The following KLF4 variants were observed in gnomAD, a reference collection of about 807,000 sequenced individuals.
The protein encoded by KLF4 is Krueppel-like factor 4.
KLF4 carries 14 observed loss-of-function variants against 38.0 expected under a neutral mutation model. That is an observed-to-expected ratio of 0.37 (90% confidence interval 0.24 to 0.58). KLF4 has a LOEUF of 0.58. Ranked by LOEUF, KLF4 falls within the 20% of genes least tolerant of loss-of-function variation. The pLI is 0.76. For missense variants in KLF4, 737 were observed against 670.1 expected, an observed-to-expected ratio of 1.10 and a Z score of -1.10; for synonymous variants, 398 against 302.5, an observed-to-expected ratio of 1.32 and a Z score of -3.28.
At position 107,489,256 on chromosome 9, in the gene KLF4, G is replaced by GCCAAAAC. The variant is rs45603733; in HGVS notation, c.-91_-85dup. 1.9e-3 allele frequency: 2,726 copies of GCCAAAAC among 1,417,486 alleles called. 57 individuals are homozygous for GCCAAAAC. In the African/African-American group the frequency reaches 0.036, roughly 19 times the overall value. 87.8% of individuals were successfully genotyped at this position (1,417,486 alleles called of 1,614,324 possible). A position where few individuals can be genotyped will look rare whatever the true frequency, so the allele number is the denominator to read the frequency against. The stretch of plus-strand genomic sequence containing the variant: ...AAAGTCAACGAAGAGAAGAAACGAA[G>GCCAAAAC]CCAAAACCCAAAACCCCAAATTGGC... On this transcript the variant is annotated 5_prime_UTR_variant, in exon 1 of 5. Transcript: ENST00000374672.
At position 107,487,330 on chromosome 9, in the gene KLF4, T is replaced by G. The variant is rs543058287; in HGVS notation, c.1064A>C (p.Gln355Pro). Residue 355 changes from glutamine to proline, a missense_variant, in exon 3 of 5, where the codon CAG (glutamine) becomes CCG (proline). Coordinates refer to ENST00000374672, the MANE Select transcript of KLF4 (RefSeq NM_004235.6). This position sits in a 1 kb window ranked among gnomAD's most constrained non-coding sequence, Gnocchi z 6.1. ...GPNYPSFLPDQMQPQVPPLHY... is the reference protein window; with the variant it reads ...GPNYPSFLPDPMQPQVPPLHY... ...GAGCGGCGGGACTTGCGGCTGCATC[T>G]GATCGGGCAGGAAGGATGGGTAATT... 2.2e-5 allele frequency: 34 copies of G among 1,564,992 alleles called. No individual in the cohort carries two copies. In the South Asian group the frequency reaches 3.9e-4, roughly 18 times the overall value.
chr9:107,487,467 C>A lies in KLF4; in HGVS notation c.927G>T (p.Arg309=). ...TCGGGGTAGTCCTGCTGGGGAGCTG[C>A]CGCCCCAGGGGGAAGTCGTGTGCAG... is the stretch of plus-strand genomic sequence containing the variant. ...RPAAHDFPLG[R]QLPSRTTPTL... is the part of the protein sequence containing the mutation. The change falls in exon 3 of 5, where the codon CGG becomes CGT. Residue 309 remains arginine, a synonymous_variant. Coordinates refer to ENST00000374672, the MANE Select transcript of KLF4 (RefSeq NM_004235.6). This position sits in a 1 kb window ranked among gnomAD's most constrained non-coding sequence, Gnocchi z 6.1. The A allele has an allele frequency of 1.3e-6, 2 of 1,536,106 alleles. No homozygotes were observed. The highest frequency in any genetic ancestry group is 2.6e-5 in the South Asian group (2 of 77,996).
At chr9:107,486,944 G>A in intron 4 of KLF4, 84 bp downstream of exon 4, 1 of 1,605,086 alleles carries the variant, frequency 6.2e-7, no homozygotes, top group South Asian at 1.1e-5. Flanking sequence ...AACCTGGGAA[G>A]TCAAGGAGGC....
chr9:107,485,871 T>C lies in KLF4; in HGVS notation c.1320A>G (p.Ser440=), dbSNP rs1303557236. 1.9e-6 allele frequency: 3 copies of C among 1,612,620 alleles called. No individual in the cohort carries two copies. The highest frequency in any genetic ancestry group is 1.3e-5 in the African/African-American group (1 of 74,966). ...TACGGTAGTGCCTGGTCAGTTCATC[T>C]GAGCGGGCGAATTTCCATCCACAGC... ...WDGCGWKFAR[S]DELTRHYRKH... Residue 440 remains serine, a synonymous_variant, in exon 5 of 5, where the codon TCA becomes TCG. Transcript: ENST00000374672. This position sits in a 1 kb window ranked among gnomAD's most constrained non-coding sequence, Gnocchi z 4.9.
Position 107,488,070 on chromosome 9 carries a change from A to G in KLF4, c.324T>C (p.Ile108=), listed in dbSNP as rs999634202. ...EFNDLLDLDF[I]LSNSLTHPPE... ...GAGGATGGGTCAGCGAATTGGAGAG[A>G]ATAAAGTCCAGGTCCAGGAGATCGT... The change falls in exon 3 of 5, where the codon ATT becomes ATC. Residue 108 remains isoleucine (I), a synonymous_variant. Coordinates refer to ENST00000374672, the MANE Select transcript of KLF4 (RefSeq NM_004235.6). This position sits in a 1 kb window ranked among gnomAD's most constrained non-coding sequence, Gnocchi z 5.7. 1.9e-6 allele frequency: 3 copies of G among 1,613,004 alleles called. No individual in the cohort carries two copies. Among genetic ancestry groups the G allele is most frequent in the African/African-American group, 2.7e-5 (2 of 74,914 alleles).
chr9:107,485,491 G>GT lies in KLF4; in HGVS notation c.*259dup, dbSNP rs1269253160. 8.3e-5 allele frequency: 32 copies of GT among 386,516 alleles called. No homozygotes were observed. Among genetic ancestry groups the GT allele is most frequent in the Admixed American group, 9.4e-5 (2 of 21,334 alleles). The allele number at this position is 386,516 out of a possible 1,614,324, so 23.9% of individuals were successfully genotyped here. ...CTTCCAGTCACCCCCTTGGCATTTT[G>GT]TAAGTCCAGGAATATTCAAGTCGGA... On this transcript the variant is annotated 3_prime_UTR_variant, in exon 5 of 5. Transcript: ENST00000374672. This position sits in a 1 kb window ranked among gnomAD's most constrained non-coding sequence, Gnocchi z 4.9.
At chr9:107,486,924 G>A (rs1829073625) in intron 4 of KLF4, 104 bp downstream of exon 4, 4 of 1,592,368 alleles carry the variant, frequency 2.5e-6, no homozygotes, top group Non-Finnish European at 3.4e-6. Flanking sequence ...AGCCTATGGG[G>A]CTGGAAGCTA....
chr9:107,486,713 G>A (rs1004731741), intron 4 of KLF4, among the ~76,000 whole-genome samples: 1 of 152,098 alleles, frequency 6.6e-6, no homozygotes, highest in Non-Finnish European at 1.5e-5. Flanking sequence ...CAAGCTAGGA[G>A]AGGCCCACAG....
rs1383529821 is a variant in KLF4, at chr9:107,487,540, C to A, written c.854G>T (p.Cys285Phe). 4 of 1,564,118 alleles carry A rather than the reference C, an allele frequency of 2.6e-6. No homozygotes were observed. In the South Asian group the frequency reaches 4.8e-5, roughly 19 times the overall value. Residue 285 changes from cysteine to phenylalanine, a missense_variant, in exon 3 of 5, where the codon TGC becomes TTC. Coordinates refer to ENST00000374672, the MANE Select transcript of KLF4 (RefSeq NM_004235.6). The surrounding 1 kb of genome is among the most constrained non-coding windows in gnomAD (Gnocchi z 6.1). ...PKIKQEAVSS[C>F]THLGAGPPLS... Reference sequence around the variant, plus strand: ...AGGGGGTCCAGCGCCCAAGTGGGTGCACGAAGAGACCGCCTCCTGCTTGAT... The same window carrying A: ...AGGGGGTCCAGCGCCCAAGTGGGTGAACGAAGAGACCGCCTCCTGCTTGAT...
At position 107,485,999 on chromosome 9, in the gene KLF4, G is replaced by A. The variant is rs1044580159; in HGVS notation, c.1265-73C>T. The A allele has an allele frequency of 1.4e-6, 2 of 1,421,396 alleles. No individual in the cohort carries two copies. The highest frequency in any genetic ancestry group is 1.9e-6 in the Non-Finnish European group (2 of 1,041,338). 88.0% of individuals were successfully genotyped at this position (1,421,396 alleles called of 1,614,324 possible). Reference sequence around the variant, plus strand: ...GAATCGCCCCTTTTAAAAACTGAAGGCCAGATAGTAAACCAACTCTGACCC... The same window carrying A: ...GAATCGCCCCTTTTAAAAACTGAAGACCAGATAGTAAACCAACTCTGACCC... On this transcript the variant is annotated intron_variant, in intron 4 of 4. Transcript: ENST00000374672. This position sits in a 1 kb window ranked among gnomAD's most constrained non-coding sequence, Gnocchi z 4.9.
rs373847811 is a variant in KLF4 at position 107,487,285 on chromosome 9, C to T, written c.1099+10G>A. 10 of 1,590,852 alleles carry T rather than the reference C, an allele frequency of 6.3e-6. No individual in the cohort carries two copies. The African/African-American group carries it at 1.2e-4, about 19-fold the overall frequency. On this transcript the variant is annotated intron_variant, in intron 3 of 4. Coordinates refer to ENST00000374672, the MANE Select transcript of KLF4 (RefSeq NM_004235.6). This position sits in a 1 kb window ranked among gnomAD's most constrained non-coding sequence, Gnocchi z 6.1. ...CTCCCCAGCCCGAGCTACAAATCCC[C>T]GGGACTGACCTTGGTAATGGAGCGG...
rs1259977843 is a variant in KLF4 at position 107,487,580 on chromosome 9, G to T, written c.814C>A (p.Arg272Ser). The T allele has an allele frequency of 1.3e-6, 2 of 1,577,524 alleles. No homozygotes were observed. The highest frequency in any genetic ancestry group is 1.7e-6 in the Non-Finnish European group (2 of 1,166,744). ...VVAPYNGGPP[R>S]TCPKIKQEAV... ...TCCTGCTTGATCTTGGGGCACGTGC[G>T]CGGCGGCCCGCCGTTGTAGGGCGCC... The change falls in exon 3 of 5, where the codon CGC becomes AGC. Residue 272 changes from arginine to serine, a missense_variant. Arg to Ser is a moderately radical substitution (Grantham distance 110). Around this residue, in one of 2 missense-constraint regions of KLF4, gnomAD observed 695 missense variants for 554.5 expected, o/e 1.25. Coordinates refer to ENST00000374672, the MANE Select transcript of KLF4 (RefSeq NM_004235.6). This position sits in a 1 kb window ranked among gnomAD's most constrained non-coding sequence, Gnocchi z 6.1.
In KLF4 at chr9:107,489,014, G is replaced by A; in HGVS notation, c.42C>T (p.Asp14=). 6.4e-7 allele frequency: 1 copy of A among 1,562,902 alleles called. No homozygotes were observed. Among genetic ancestry groups the A allele is most frequent in the African/African-American group, 1.4e-5 (1 of 73,868 alleles). Residue 14 remains aspartate, a synonymous_variant, in exon 2 of 5, where the codon GAC becomes GAT. Transcript: ENST00000374672. ...ACGTGGAGAAAGATGGGAGCAGCGC[G>A]TCGCTGACAGCCATGTCAGACTCGC... ...PPGESDMAVS[D]ALLPSFSTFA...
In KLF4 at chr9:107,488,166, G is replaced by T; in HGVS notation, c.228C>A (p.Ser76Arg). ...CGCCGCAAGCCGCACCGGCTCCGCC[G>T]CTCTCCAGGTCTGTGGCCACGGTCG... ...AAATVATDLESGGAGAACGGS... is the reference protein window; with the variant it reads ...AAATVATDLERGGAGAACGGS... Residue 76 changes from serine to arginine, a missense_variant, in exon 3 of 5, where the codon AGC (serine) becomes AGA (arginine). By Grantham distance (110) the Ser-to-Arg change is moderately radical (BLOSUM62 -1). This residue lies in a region of KLF4 where 695 missense variants were observed against 554.5 expected (regional missense o/e 1.25). Coordinates refer to ENST00000374672, the MANE Select transcript of KLF4 (RefSeq NM_004235.6). The surrounding 1 kb of genome is among the most constrained non-coding windows in gnomAD (Gnocchi z 5.7). 1 of 1,612,674 alleles carries T rather than the reference G, an allele frequency of 6.2e-7. No individual in the cohort carries two copies. Among genetic ancestry groups the T allele is most frequent in the Admixed American group, 1.7e-5 (1 of 60,014 alleles).
rs1398822261 is a variant in KLF4 at position 107,488,026 on chromosome 9, G to T, written c.368C>A (p.Thr123Asn). 1.2e-6 allele frequency: 2 copies of T among 1,609,354 alleles called. No homozygotes were observed. The highest frequency in any genetic ancestry group is 1.3e-5 in the African/African-American group (1 of 74,972). ...GGAGGCTGACGCTGACGAGGACACG[G>T]TGGCGGCCACTGACTCCGGAGGATG... The part of the protein sequence containing the change: ...LTHPPESVAA[T>N]VSSSASASSS... Residue 123 changes from threonine (T) to asparagine (N), a missense_variant, in exon 3 of 5, where the codon ACC (threonine) becomes AAC (asparagine). Physicochemically the swap from Thr to Asn is moderately conservative, Grantham distance 65 (BLOSUM62 0). Around this residue, in one of 2 missense-constraint regions of KLF4, gnomAD observed 695 missense variants for 554.5 expected, o/e 1.25. Transcript: ENST00000374672. This position sits in a 1 kb window ranked among gnomAD's most constrained non-coding sequence, Gnocchi z 5.7.
Position 107,485,639 on chromosome 9 carries a change from A to G in KLF4, c.*112T>C, listed in dbSNP as rs1829046070. 4 of 1,075,986 alleles carry G rather than the reference A, an allele frequency of 3.7e-6. No individual in the cohort carries two copies. Among genetic ancestry groups the G allele is most frequent in the Non-Finnish European group, 3.9e-6 (3 of 771,414 alleles). The allele number at this position is 1,075,986 out of a possible 1,614,324, so 66.7% of individuals were successfully genotyped here. A position where few individuals can be genotyped will look rare whatever the true frequency, so the allele number is the denominator to read the frequency against. ...AGATGACTCAGTTGGGAACTTGACC[A>G]TGATTGTAGTGCTTTCTGGCTGGGC... On this transcript the variant is annotated 3_prime_UTR_variant, in exon 5 of 5. Coordinates refer to ENST00000374672, the MANE Select transcript of KLF4 (RefSeq NM_004235.6). The surrounding 1 kb of genome is among the most constrained non-coding windows in gnomAD (Gnocchi z 4.9).
rs183319264 is a variant in KLF4, at chr9:107,486,769, A to T, written c.1264+259T>A. The stretch of plus-strand genomic sequence containing the variant: ...TTTTAAAAGCCTAACAAAATTGCAC[A>T]TTCAAACACAGATACCATCCATCAA... On this transcript the variant is annotated intron_variant, in intron 4 of 4. Transcript: ENST00000374672. 4.4e-4 allele frequency among the ~76,000 whole-genome samples: 67 copies of T among 152,226 alleles called. No homozygotes were observed. In the East Asian group the frequency reaches 0.013, roughly 29 times the overall value.
chr9:107,486,016 C>T (rs1024818871), intron 4 of KLF4, 90 bp from the exon 5 acceptor site: 4 of 1,131,960 alleles, frequency 3.5e-6, no homozygotes, highest in African/African-American at 1.6e-5. Context: ...AGTAAACCAA[C>T]TCTGACCCTA....
In KLF4 at chr9:107,487,906, G is replaced by A. The variant is rs867223828; in HGVS notation, c.488C>T (p.Ala163Val). The A allele has an allele frequency of 1.9e-6, 3 of 1,565,312 alleles. No homozygotes were observed. Among genetic ancestry groups the A allele is most frequent in the African/African-American group, 1.4e-5 (1 of 73,868 alleles). The part of the protein sequence containing the change: ...PIRAGNDPGV[A>V]PGGTGGGLLY... The stretch of plus-strand genomic sequence containing the variant: ...GAGGCCTCCGCCCGTGCCGCCCGGC[G>A]CCACGCCCGGGTCGTTCCCGGCCCG... Residue 163 changes from alanine to valine, a missense_variant, in exon 3 of 5, where the codon GCG becomes GTG. This residue lies in a region of KLF4 where 695 missense variants were observed against 554.5 expected (regional missense o/e 1.25). Transcript: ENST00000374672. This position sits in a 1 kb window ranked among gnomAD's most constrained non-coding sequence, Gnocchi z 6.1.
Sources: allele counts gnomAD v4.1 joint callset (sites outside exome capture counted in the v4.1 genomes callset), GRCh38; gene constraint gnomAD v4.1.1; regional missense constraint gnomAD v4.1.1; non-coding constraint Gnocchi (gnomAD v3.1); transcripts MANE v1.5; gene names NCBI Gene and HGNC (gene_info 2026-07-23, HGNC 2026-07-21).